GOLGA7B: variants seen among roughly 807,000 people sequenced by gnomAD.
GOLGA7B encodes golgin A7 family member B.
GOLGA7B carries 17 observed loss-of-function variants against 21.5 expected under a neutral mutation model. The observed-to-expected ratio is 0.79, with a 90% CI of 0.54 to 1.19. The LOEUF is 1.19. Ranked by LOEUF, GOLGA7B falls within the 50% of genes most tolerant of loss-of-function variation. The pLI, the probability that GOLGA7B is intolerant of heterozygous loss-of-function variation, is 0.00. For missense variants in GOLGA7B, 169 were observed against 224.4 expected, an observed-to-expected ratio of 0.75 and a Z score of 1.58; for synonymous variants, 87 against 84.0, an observed-to-expected ratio of 1.04 and a Z score of -0.19.
chr10:97,865,272 C>T (rs1454409481), intron 4 of GOLGA7B: 3 of 354,724 alleles, frequency 8.5e-6, no homozygotes, highest in Non-Finnish European at 1.5e-5. Context: ...CACCACCTCC[C>T]TGGGCACATC....
At chr10:97,860,714 T>C (rs1341824599) in intron 2 of GOLGA7B, among the ~76,000 whole-genome samples, 1 of 152,200 alleles carries the variant, frequency 6.6e-6, no homozygotes, top group East Asian at 1.9e-4. Context: ...CAGAATCAAG[T>C]GGTTCATAGA....
At position 97,857,798 on chromosome 10, in the gene GOLGA7B, A is replaced by G. The variant is rs184635842; in HGVS notation, c.13-1660A>G. 3.5e-3 allele frequency among the ~76,000 whole-genome samples: 533 copies of G among 152,360 alleles called. 6 individuals carry two copies. Among genetic ancestry groups the G allele is most frequent in the Non-Finnish European group, 2.5e-3 (168 of 68,028 alleles). On this transcript the variant is annotated intron_variant, in intron 1 of 4. Transcript: ENST00000370602. ...AGGTTTTGTATGGGTTACTGGTACA[A>G]AAATAGACACATAGACCAATGGAAC...
At position 97,864,035 on chromosome 10, in the gene GOLGA7B, G is replaced by A. The variant is rs755233805; in HGVS notation, c.244G>A (p.Ala82Thr). The A allele has an allele frequency of 3.1e-6, 5 of 1,614,154 alleles. No homozygotes were observed. Among genetic ancestry groups the A allele is most frequent in the East Asian group, 2.2e-5 (1 of 44,886 alleles). The change falls in exon 3 of 5, where the codon GCC (alanine) becomes ACC (threonine). Residue 82 changes from alanine to threonine, a missense_variant. Ala to Thr is a moderately conservative substitution (Grantham distance 58). Coordinates refer to ENST00000370602, the MANE Select transcript of GOLGA7B (RefSeq NM_001010917.3). ...SSYLEGCLAC[A>T]TAYFIFLCME... The stretch of plus-strand genomic sequence containing the variant: ...CTACCTCGAGGGCTGCCTGGCCTGC[G>A]CCACGGCCTACTTCATCTTCCTCTG...
rs888464439 is a variant in GOLGA7B at position 97,849,955 on chromosome 10, C to T, written c.-349C>T. On this transcript the variant is annotated 5_prime_UTR_variant, in exon 1 of 5. Coordinates refer to ENST00000370602, the MANE Select transcript of GOLGA7B (RefSeq NM_001010917.3). ...CGGCGGCTCCTGGCCCCTCCTCCCCCGGCCGCCCCCATCCCCGCCGCCGCC... is the reference window on the plus strand; with the variant it reads ...CGGCGGCTCCTGGCCCCTCCTCCCCTGGCCGCCCCCATCCCCGCCGCCGCC... Among the ~76,000 whole-genome samples, 9 of 151,222 alleles carry T rather than the reference C, an allele frequency of 6.0e-5. No homozygotes were observed. Among genetic ancestry groups the T allele is most frequent in the South Asian group, 2.1e-4 (1 of 4,832 alleles).
At chr10:97,864,831 C>T (rs995597233) in intron 4 of GOLGA7B, among the ~76,000 whole-genome samples, 4 of 152,200 alleles carry the variant, frequency 2.6e-5, no homozygotes, top group African/African-American at 2.4e-5. Flanking sequence ...AGAGGCTGGA[C>T]GGGGGTGGGG....
intron 2 of GOLGA7B, among the ~76,000 whole-genome samples, chr10:97,860,274 C>T (rs945410622): frequency 2.6e-5 from 4 of 152,058 alleles, no homozygotes; most frequent in African/African-American, 9.7e-5. Context: ...TTATCTGTTA[C>T]AAACAATCCA....
At position 97,866,091 on chromosome 10, in the gene GOLGA7B, C is replaced by A. The variant is rs971030795; in HGVS notation, c.*391C>A. On this transcript the variant is annotated 3_prime_UTR_variant, in exon 5 of 5. Transcript: ENST00000370602. The stretch of plus-strand genomic sequence containing the variant: ...ATAGAGGACTCCCACACTGCATGAC[C>A]CCTCATCCCAAACCCATATCCACCA... 1.5e-5 allele frequency: 3 copies of A among 204,440 alleles called. No individual in the cohort carries two copies. Among genetic ancestry groups the A allele is most frequent in the African/African-American group, 6.9e-5 (3 of 43,716 alleles). The allele number at this position is 204,440 out of a possible 1,614,324, so 12.7% of individuals were successfully genotyped here.
At chr10:97,859,352 T>A in intron 1 of GOLGA7B, 106 bp from the exon 2 acceptor site, 4 of 1,167,022 alleles carry the variant, frequency 3.4e-6, no homozygotes, top group Non-Finnish European at 4.9e-6. Flanking sequence ...CTGGGAACTT[T>A]CCTGGTGTTA....
rs1342808316 is a variant in GOLGA7B at position 97,868,889 on chromosome 10, C to A, written c.*3189C>A. 6.6e-6 allele frequency: 1 copy of A among 151,578 alleles called. No individual in the cohort carries two copies. The highest frequency in any genetic ancestry group is 2.4e-5 in the African/African-American group (1 of 40,906). 9.4% of individuals were successfully genotyped at this position (151,578 alleles called of 1,614,324 possible). A position where few individuals can be genotyped will look rare whatever the true frequency, so the allele number is the denominator to read the frequency against. ...AGTAGCTGACGTTTATTTAGCACTT[C>A]CTATGTGCCAGGCACTAGGCTAAGA... On this transcript the variant is annotated 3_prime_UTR_variant, in exon 5 of 5. Coordinates refer to ENST00000370602, the MANE Select transcript of GOLGA7B (RefSeq NM_001010917.3).
intron 1 of GOLGA7B, among the ~76,000 whole-genome samples, chr10:97,856,853 G>A (rs978441273): frequency 2.0e-5 from 3 of 151,960 alleles, no homozygotes; most frequent in Admixed American, 6.6e-5. Flanking sequence ...TTTTTCATGC[G>A]TTTATTGGCA....
chr10:97,855,232 C>T (rs2049927928), intron 1 of GOLGA7B, among the ~76,000 whole-genome samples: 2 of 152,122 alleles, frequency 1.3e-5, no homozygotes, highest in African/African-American at 2.4e-5. Context: ...TTAGCAACAT[C>T]GTTTTTCACA....
At chr10:97,859,309 G>T in intron 1 of GOLGA7B, 149 bp from the exon 2 acceptor site, 1 of 705,122 alleles carries the variant, frequency 1.4e-6, no homozygotes, top group Non-Finnish European at 2.3e-6. Context: ...GCCTCTTGGA[G>T]CACCTGTAGA....
chr10:97,858,705 C>T (rs2049951464), intron 1 of GOLGA7B, among the ~76,000 whole-genome samples: 1 of 152,192 alleles, frequency 6.6e-6, no homozygotes, highest in Non-Finnish European at 1.5e-5. Flanking sequence ...GAAGTTTGGA[C>T]ATTCATGGGC....
chr10:97,865,746 C>T lies in GOLGA7B; in HGVS notation c.*46C>T, dbSNP rs2050014721. 6.1e-6 allele frequency: 9 copies of T among 1,484,372 alleles called. No homozygotes were observed. In the East Asian group the frequency reaches 2.4e-4, roughly 39 times the overall value. 92.0% of individuals were successfully genotyped at this position (1,484,372 alleles called of 1,614,324 possible). A position where few individuals can be genotyped will look rare whatever the true frequency, so the allele number is the denominator to read the frequency against. On this transcript the variant is annotated 3_prime_UTR_variant, in exon 5 of 5. Coordinates refer to ENST00000370602, the MANE Select transcript of GOLGA7B (RefSeq NM_001010917.3). Reference sequence around the variant, plus strand: ...GGAGGTGTATGGCCGGAGTGAGGGCCTTGCAGACCTGCGGCGGCTGCGCTA... The same window carrying T: ...GGAGGTGTATGGCCGGAGTGAGGGCTTTGCAGACCTGCGGCGGCTGCGCTA...
At chr10:97,852,447 G>T (rs2049910513) in intron 1 of GOLGA7B, among the ~76,000 whole-genome samples, 2 of 152,140 alleles carry the variant, frequency 1.3e-5, no homozygotes, top group Non-Finnish European at 1.5e-5. Context: ...TTGGCCTTGG[G>T]TGGACTCTGA....
At position 97,870,718 on chromosome 10, in the gene GOLGA7B, T is replaced by C. The variant is rs1337340262; in HGVS notation, c.*5018T>C. On this transcript the variant is annotated 3_prime_UTR_variant, in exon 5 of 5. Coordinates refer to ENST00000370602, the MANE Select transcript of GOLGA7B (RefSeq NM_001010917.3). ...GTAACACATATGCCAAACAGACAAC[T>C]GCAACTCTATGTTACGTGTGTGTGT... is the stretch of plus-strand genomic sequence containing the variant. 2.7e-5 allele frequency: 4 copies of C among 149,666 alleles called. No individual in the cohort carries two copies. The highest frequency in any genetic ancestry group is 5.9e-5 in the Non-Finnish European group (4 of 67,482). 9.3% of individuals were successfully genotyped at this position (149,666 alleles called of 1,614,324 possible).
chr10:97,858,168 C>T (rs1266681549), intron 1 of GOLGA7B, among the ~76,000 whole-genome samples: 4 of 152,206 alleles, frequency 2.6e-5, no homozygotes, highest in Non-Finnish European at 5.9e-5. Context: ...AACCCCTGGA[C>T]TTCCTTTATG....
At chr10:97,855,485 C>T (rs2049929810) in intron 1 of GOLGA7B, among the ~76,000 whole-genome samples, 1 of 152,206 alleles carries the variant, frequency 6.6e-6, no homozygotes, top group African/African-American at 2.4e-5. Flanking sequence ...ATTCTCACCA[C>T]TGCTTTTCTC....
At chr10:97,850,644 T>C (rs2049899832) in intron 1 of GOLGA7B, among the ~76,000 whole-genome samples, 1 of 152,026 alleles carries the variant, frequency 6.6e-6, no homozygotes, top group Non-Finnish European at 1.5e-5. Flanking sequence ...TGGAGACGCG[T>C]GTGTGTGCGT....
Sources: gnomAD v4.1 joint callset for allele counts (sites outside exome capture counted in the v4.1 genomes callset) on GRCh38, gnomAD v4.1.1 for gene constraint, MANE v1.5 for transcripts, NCBI Gene and HGNC (gene_info 2026-07-23, HGNC 2026-07-21) for gene names.